Variants in HORMAD2 observed in about 807,000 individuals in gnomAD.
HORMAD2 encodes HORMA domain-containing protein 2.
Under a neutral mutation model 38.8 loss-of-function variants are expected in HORMAD2, and 45 were observed. The ratio of observed to expected loss-of-function variants is 1.16; its 90% confidence interval spans 0.91 to 1.49. The LOEUF (loss-of-function observed/expected upper bound fraction) is 1.49, where lower values mean the gene tolerates loss of function less well. Ranked by LOEUF, HORMAD2 falls within the 40% of genes most tolerant of loss-of-function variation. HORMAD2 has a pLI of 0.00. For missense variants in HORMAD2, 338 were observed against 367.0 expected (o/e 0.92, Z 0.65); for synonymous variants, 126 against 122.8 (o/e 1.03, Z -0.17).
At chr22:30,080,522 C>T (rs1601487248) in intron 1 of HORMAD2, 31 bp downstream of exon 1, 1 of 152,298 alleles carries the variant, frequency 6.6e-6, no homozygotes, top group East Asian at 1.9e-4. Context: ...AGGTCTCGGC[C>T]CAGAGAGGGC....
chr22:30,107,738 A>C (rs1754583482), intron 5 of HORMAD2, among the ~76,000 whole-genome samples: 1 of 151,930 alleles, frequency 6.6e-6, no homozygotes, highest in South Asian at 2.1e-4. Flanking sequence ...CGACAGAGCG[A>C]AACTTCATCT....
At chr22:30,103,389 C>A in intron 3 of HORMAD2, 48 bp from the exon 4 acceptor site, 1 of 999,202 alleles carries the variant, frequency 1.0e-6, no homozygotes, top group Non-Finnish European at 1.6e-6. Flanking sequence ...AATTTCAGTA[C>A]AGCAGTCATT....
upstream of HORMAD2, among the ~76,000 whole-genome samples, chr22:30,079,117 G>GA (rs962351774): frequency 6.7e-6 from 1 of 150,178 alleles, no homozygotes; most frequent in Non-Finnish European, 1.5e-5. Context: ...AACTTGAATA[G>GA]TTTTTTTTTT....
intron 2 of HORMAD2, among the ~76,000 whole-genome samples, chr22:30,094,611 G>A (rs993056822): frequency 3.9e-5 from 6 of 152,108 alleles, no homozygotes; most frequent in Admixed American, 3.9e-4. Context: ...TATACAAAGC[G>A]ATATATGATT....
intron 1 of HORMAD2, among the ~76,000 whole-genome samples, chr22:30,090,957 T>C (rs2068671018): frequency 6.6e-6 from 1 of 152,220 alleles, no homozygotes; most frequent in African/African-American, 2.4e-5. Context: ...CTAGCTGTAA[T>C]TTTATATCCA....
At chr22:30,205,102 A>T in the HORMAD2 span, among the ~76,000 whole-genome samples, 2 of 152,162 alleles carry the variant, frequency 1.3e-5, no homozygotes, top group African/African-American at 4.8e-5. Flanking sequence ...TATAATATTT[A>T]ATTATAATAT....
At chr22:30,152,306 T>C (rs1924800374) in intron 10 of HORMAD2, among the ~76,000 whole-genome samples, 1 of 152,026 alleles carries the variant, frequency 6.6e-6, no homozygotes, top group South Asian at 2.1e-4. Context: ...CAAACAATCC[T>C]CCTGCCCCAG....
At chr22:30,101,715 A>G (rs1920946966) in intron 3 of HORMAD2, among the ~76,000 whole-genome samples, 1 of 152,174 alleles carries the variant, frequency 6.6e-6, no homozygotes, top group Admixed American at 6.5e-5. Flanking sequence ...ATCTAATTTT[A>G]AATTTCTTAC....
At chr22:30,093,313 T>A (rs779494165) in intron 1 of HORMAD2, among the ~76,000 whole-genome samples, 2 of 152,160 alleles carry the variant, frequency 1.3e-5, no homozygotes, top group Non-Finnish European at 2.9e-5. Flanking sequence ...TTAATGGGTA[T>A]GAAGTATAAA....
intron 1 of HORMAD2, among the ~76,000 whole-genome samples, chr22:30,090,169 C>T (rs1285982484): frequency 2.6e-5 from 4 of 152,044 alleles, no homozygotes; most frequent in Non-Finnish European, 4.4e-5. Flanking sequence ...TCAAGACCAG[C>T]CTGGGCAACA....
intron 10 of HORMAD2, among the ~76,000 whole-genome samples, chr22:30,160,485 A>G (rs1925375108): frequency 6.6e-6 from 1 of 152,132 alleles, no homozygotes; most frequent in Admixed American, 6.5e-5. Flanking sequence ...GGGTGATATC[A>G]TGAATTTTAT....
chr22:30,097,542 C>G (rs1174840108), intron 2 of HORMAD2, among the ~76,000 whole-genome samples: 1 of 152,090 alleles, frequency 6.6e-6, no homozygotes, highest in African/African-American at 2.4e-5. Context: ...CTGGCTTAAG[C>G]AAAGCACAAA....
At chr22:30,163,329 T>G (rs78777758) in intron 10 of HORMAD2, among the ~76,000 whole-genome samples, 1 of 152,204 alleles carries the variant, frequency 6.6e-6, no homozygotes, top group Non-Finnish European at 1.5e-5. Flanking sequence ...TTTTTGATTA[T>G]CTGGATATAG....
intron 2 of HORMAD2, among the ~76,000 whole-genome samples, chr22:30,098,347 A>T (rs1470385772): frequency 6.6e-6 from 1 of 152,220 alleles, no homozygotes; most frequent in Non-Finnish European, 1.5e-5. Flanking sequence ...ACTGAGACAG[A>T]TATGTACGGA....
chr22:30,120,937 C>T (rs1032087936), intron 8 of HORMAD2, among the ~76,000 whole-genome samples: 14 of 149,458 alleles, frequency 9.4e-5, no homozygotes, highest in Admixed American at 2.0e-4. Flanking sequence ...GAGGATATGA[C>T]GGGTTGTGAA....
At chr22:30,196,615 G>C in the HORMAD2 span, among the ~76,000 whole-genome samples, 1 of 152,280 alleles carries the variant, frequency 6.6e-6, no homozygotes, top group South Asian at 2.1e-4. Context: ...GAAACAGAGG[G>C]GCCAGGTCTG....
chr22:30,173,145 C>A (rs1377326164), intron 10 of HORMAD2, among the ~76,000 whole-genome samples: 2 of 152,282 alleles, frequency 1.3e-5, no homozygotes, highest in East Asian at 3.9e-4. Context: ...CCCATTAGAA[C>A]TGCAAGTGGT....
intron 1 of HORMAD2, among the ~76,000 whole-genome samples, chr22:30,086,768 A>C (rs560062145): frequency 4.6e-5 from 7 of 152,118 alleles, no homozygotes; most frequent in Admixed American, 1.3e-4. Flanking sequence ...TAAAGTGAGG[A>C]GTTGGACACA....
intron 10 of HORMAD2, among the ~76,000 whole-genome samples, chr22:30,166,656 T>C (rs1925802906): frequency 6.6e-6 from 1 of 152,200 alleles, no homozygotes; most frequent in Non-Finnish European, 1.5e-5. Context: ...TAATACACAT[T>C]AATTCCTAAA....
Sources: allele counts gnomAD v4.1 joint callset (sites outside exome capture counted in the v4.1 genomes callset), GRCh38; gene constraint gnomAD v4.1.1; transcripts MANE v1.5; gene names NCBI Gene and HGNC (gene_info 2026-07-23, HGNC 2026-07-21).